Variants in MYT1L observed in about 807,000 individuals in gnomAD.
The protein encoded by MYT1L is myelin transcription factor 1 like, also known as myelin transcription factor 1-like protein.
Under a neutral mutation model 126.7 loss-of-function variants are expected in MYT1L, and 12 were observed. The observed-to-expected ratio is 0.09, with a 90% CI of 0.06 to 0.15. MYT1L has a LOEUF of 0.15. MYT1L is among the 10% of genes least tolerant of loss of function. The pLI, the probability that MYT1L is intolerant of heterozygous loss-of-function variation, is 1.00. For synonymous variants in MYT1L, 541 were observed against 604.2 expected (o/e 0.90, Z 1.53); for missense variants, 979 against 1,585.2 (o/e 0.62, Z 6.49).
In MYT1L at chr2:2,159,526, C is replaced by T. The variant is rs533336805; in HGVS notation, c.-304+13346G>A. On this transcript the variant is annotated intron_variant, in intron 3 of 24. Coordinates refer to ENST00000647738, the MANE Select transcript of MYT1L (RefSeq NM_001303052.2). ...CATCCCCAGACGCTGGGGAGCACCT[C>T]GCTGCTGAGCGCGGGCTGTGTTCAG... Among the ~76,000 whole-genome samples, 21 of 152,146 alleles carry T rather than the reference C, an allele frequency of 1.4e-4. No homozygotes were observed. In the East Asian group the frequency reaches 1.6e-3, roughly 11 times the overall value.
In MYT1L at chr2:1,889,653, T is replaced by C; in HGVS notation, c.2284-176A>G. On this transcript the variant is annotated intron_variant, in intron 15 of 24. Coordinates refer to ENST00000647738, the MANE Select transcript of MYT1L (RefSeq NM_001303052.2). The surrounding 1 kb of genome is among the most constrained non-coding windows in gnomAD (Gnocchi z 4.1). ...GGACAGGCCTTGTCTGGTGGTACAT[T>C]CCTGCTATCCCACGCTTAGCTGCAA... Among the ~76,000 whole-genome samples the C allele has an allele frequency of 6.6e-6, 1 of 152,146 alleles. No homozygotes were observed. The highest frequency in any genetic ancestry group is 2.4e-5 in the African/African-American group (1 of 41,444).
intron 21 of MYT1L, among the ~76,000 whole-genome samples, chr2:1,822,087 G>T (rs1010498907): frequency 1.3e-5 from 2 of 151,980 alleles, no homozygotes. Flanking sequence ...TCTTTTTCTG[G>T]GTTCTTTCTT....
intron 9 of MYT1L, among the ~76,000 whole-genome samples, chr2:1,924,474 A>T (rs2053963047): frequency 6.6e-6 from 1 of 152,232 alleles, no homozygotes; most frequent in East Asian, 1.9e-4. Context: ...GAAATGAGGT[A>T]TATTGACCTC....
At chr2:2,156,382 C>G (rs1010341525) in intron 3 of MYT1L, among the ~76,000 whole-genome samples, 2 of 152,220 alleles carry the variant, frequency 1.3e-5, no homozygotes, top group Non-Finnish European at 2.9e-5. Flanking sequence ...CAGCCCCCAA[C>G]AGGGGAGAGA....
chr2:2,191,122 G>A (rs2092569310), intron 2 of MYT1L, among the ~76,000 whole-genome samples: 1 of 152,172 alleles, frequency 6.6e-6, no homozygotes, highest in African/African-American at 2.4e-5. Context: ...CTTGAAGACG[G>A]CAGGGTGCAC....
At chr2:1,858,795 C>T (rs1279487109) in intron 18 of MYT1L, among the ~76,000 whole-genome samples, 6 of 152,358 alleles carry the variant, frequency 3.9e-5, no homozygotes, top group East Asian at 1.9e-4. Context: ...CTTTCTCCCA[C>T]GCTAATACAG....
intron 3 of MYT1L, among the ~76,000 whole-genome samples, chr2:2,140,866 G>C (rs528940989): frequency 5.8e-4 from 88 of 152,268 alleles, no homozygotes; most frequent in African/African-American, 1.9e-3. Flanking sequence ...ACTGCGCCTG[G>C]CCTGGATCAA....
intron 4 of MYT1L, among the ~76,000 whole-genome samples, chr2:2,030,912 C>A (rs990286046): frequency 1.5e-4 from 23 of 152,100 alleles, no homozygotes; most frequent in Admixed American, 9.8e-4. Flanking sequence ...AAAATTGATT[C>A]GGGTTTTAAT....
intron 4 of MYT1L, among the ~76,000 whole-genome samples, chr2:2,033,852 T>C (rs2066696365): frequency 6.6e-6 from 1 of 152,178 alleles, no homozygotes; most frequent in Non-Finnish European, 1.5e-5. Flanking sequence ...TGTCAGGAGC[T>C]TCTGTGGTGG....
chr2:2,236,789 TCTTCTTCTTCTTCTTCTTCTTC>T (rs1559420712), intron 2 of MYT1L, among the ~76,000 whole-genome samples: 13 of 18,254 alleles, frequency 7.1e-4, no homozygotes, highest in Non-Finnish European at 9.1e-4. Context: ...TTCTTCTTCT[TCTTCTTCTTCTTCTTCTTCTTC>T]TTCTTTTTTT....
At chr2:1,792,871 C>CAAAAAAAAAAAAAAAAAAA (rs55682787) in intron 23 of MYT1L, among the ~76,000 whole-genome samples, 1 of 76,290 alleles carries the variant, frequency 1.3e-5, no homozygotes, top group South Asian at 8.2e-4. Flanking sequence ...TTCCGTCTCA[C>CAAAAAAAAAAAAAAAAAAA]AAAAAAAAAA....
chr2:2,328,282 C>T (rs917344266), intron 1 of MYT1L, among the ~76,000 whole-genome samples: 3 of 151,814 alleles, frequency 2.0e-5, no homozygotes, highest in Non-Finnish European at 2.9e-5. Context: ...TGGGTATATT[C>T]AAGAGTAAGG....
rs527621964 is a variant in MYT1L at position 1,814,043 on chromosome 2, AG to A, written c.3081-4877del. 1.8e-4 allele frequency among the ~76,000 whole-genome samples: 27 copies of A among 147,962 alleles called. 4 individuals are homozygous for A. The highest frequency in any genetic ancestry group is 2.5e-4 in the Non-Finnish European group (17 of 67,174). On this transcript the variant is annotated intron_variant, in intron 21 of 24. Transcript: ENST00000647738. ...CTCCGTCCCCAAAAAAAAAAAAAAA[AG>A]AAAGAAAAATTAGCTTCCATGAAAC...
intron 5 of MYT1L, among the ~76,000 whole-genome samples, chr2:1,990,828 C>T (rs1357108302): frequency 6.6e-6 from 1 of 152,184 alleles, no homozygotes; most frequent in Non-Finnish European, 1.5e-5. Context: ...ACAACTCAGC[C>T]AGGACAATAC....
At chr2:1,799,138 C>G (rs1022897156) in intron 23 of MYT1L, among the ~76,000 whole-genome samples, 1 of 152,336 alleles carries the variant, frequency 6.6e-6, no homozygotes, top group African/African-American at 2.4e-5. Context: ...GAAGTCACCT[C>G]TCTCATCAGC....
chr2:2,095,850 C>G (rs2077404665), intron 3 of MYT1L, among the ~76,000 whole-genome samples: 2 of 152,164 alleles, frequency 1.3e-5, no homozygotes, highest in African/African-American at 4.8e-5. Context: ...GAACTGTGGT[C>G]AGATACGGCG....
intron 4 of MYT1L, among the ~76,000 whole-genome samples, chr2:2,041,861 T>G (rs1198313877): frequency 6.6e-6 from 1 of 152,230 alleles, no homozygotes; most frequent in African/African-American, 2.4e-5. Context: ...AACTCAAAGA[T>G]TCTCTGTAGA....
chr2:2,176,577 C>A (rs371521902), intron 2 of MYT1L, among the ~76,000 whole-genome samples: 1 of 151,490 alleles, frequency 6.6e-6, no homozygotes, highest in Non-Finnish European at 1.5e-5. Flanking sequence ...TGGCTCACTG[C>A]AAGCTCCACC....
intron 13 of MYT1L, among the ~76,000 whole-genome samples, chr2:1,908,548 A>C (rs2051426720): frequency 6.6e-6 from 1 of 152,210 alleles, no homozygotes; most frequent in South Asian, 2.1e-4. Flanking sequence ...TGGCCAAAGT[A>C]GGCTGAAGAA....
Sources: allele counts gnomAD v4.1 joint callset (sites outside exome capture counted in the v4.1 genomes callset), GRCh38; gene constraint gnomAD v4.1.1; non-coding constraint Gnocchi (gnomAD v3.1); transcripts MANE v1.5; gene names NCBI Gene and HGNC (gene_info 2026-07-23, HGNC 2026-07-21).